Variants in ANKRD34C observed in about 807,000 individuals in gnomAD.
ANKRD34C encodes the protein ankyrin repeat domain 34C.
For missense variants in ANKRD34C, 563 were observed against 653.0 expected (o/e 0.86, Z 1.50); for synonymous variants, 260 against 253.6 (o/e 1.03, Z -0.24).
intron 1 of ANKRD34C, among the ~76,000 whole-genome samples, chr15:79,291,988 G>A (rs1045740506): frequency 6.6e-6 from 1 of 152,060 alleles, no homozygotes; most frequent in Admixed American, 6.6e-5. Context: ...TTTTTCAAAG[G>A]GATATATATA....
At position 79,286,416 on chromosome 15, in the gene ANKRD34C, A is replaced by C. The variant is rs568213335; in HGVS notation, c.-45+3188A>C. ...AAAGTGGATGGGATCTCAACATTCT[A>C]GGAATGCTTCAGCTTTTTTCAATCC... On this transcript the variant is annotated intron_variant, in intron 1 of 1. Coordinates refer to ENST00000421388, the MANE Select transcript of ANKRD34C (RefSeq NM_001146341.2). 5.9e-5 allele frequency among the ~76,000 whole-genome samples: 9 copies of C among 152,328 alleles called. No individual in the cohort carries two copies. The East Asian group carries it at 1.7e-3, about 29-fold the overall frequency.
At position 79,295,638 on chromosome 15, in the gene ANKRD34C, G is replaced by A. The variant is rs774089053; in HGVS notation, c.*746G>A. On this transcript the variant is annotated 3_prime_UTR_variant, in exon 2 of 2. Coordinates refer to ENST00000421388, the MANE Select transcript of ANKRD34C (RefSeq NM_001146341.2). The stretch of plus-strand genomic sequence containing the variant: ...GACCCGTCCCCTGACACAGGCTCTT[G>A]TATTGAAATCTTGTGAAAAACAGTC... The A allele has an allele frequency of 6.0e-6, 1 of 167,066 alleles. No homozygotes were observed. The highest frequency in any genetic ancestry group is 2.4e-5 in the African/African-American group (1 of 41,450). 10.3% of individuals were successfully genotyped at this position (167,066 alleles called of 1,614,324 possible). A position where few individuals can be genotyped will look rare whatever the true frequency, so the allele number is the denominator to read the frequency against.
At chr15:79,289,412 C>G (rs937908801) in intron 1 of ANKRD34C, among the ~76,000 whole-genome samples, 4 of 152,296 alleles carry the variant, frequency 2.6e-5, no homozygotes, top group Admixed American at 2.6e-4. Context: ...TATCTGCAAC[C>G]TGCTGCCTCC....
chr15:79,286,076 C>A (rs1301614868), intron 1 of ANKRD34C, among the ~76,000 whole-genome samples: 1 of 152,118 alleles, frequency 6.6e-6, no homozygotes, highest in East Asian at 1.9e-4. Flanking sequence ...TGAAAGAAGG[C>A]ATCATTTTAA....
chr15:79,297,166 G>C lies in ANKRD34C; in HGVS notation c.*2274G>C, dbSNP rs2058674270. The C allele has an allele frequency of 6.0e-6, 1 of 166,832 alleles. No individual in the cohort carries two copies. The highest frequency in any genetic ancestry group is 2.1e-4 in the South Asian group (1 of 4,824). 10.3% of individuals were successfully genotyped at this position (166,832 alleles called of 1,614,324 possible). On this transcript the variant is annotated 3_prime_UTR_variant, in exon 2 of 2. Transcript: ENST00000421388. ...AATCATTAATAGTTCTTACCAAGTA[G>C]AAGTGATCCCAGGCAAAGAAACAAC...
In ANKRD34C at chr15:79,294,670, C is replaced by T. The variant is rs1454695876; in HGVS notation, c.1386C>T (p.Phe462=). ...LDRISHTRPG[F]LPPLNVNLNP... ...GCATTTCTCACACTAGGCCTGGCTT[C>T]CTGCCGCCTTTAAATGTGAATCTGA... is the stretch of plus-strand genomic sequence containing the variant. Residue 462 remains phenylalanine, a synonymous_variant, in exon 2 of 2, where the codon TTC becomes TTT. Transcript: ENST00000421388. The T allele has an allele frequency of 1.9e-6, 3 of 1,551,606 alleles. No individual in the cohort carries two copies. Among genetic ancestry groups the T allele is most frequent in the Non-Finnish European group, 2.6e-6 (3 of 1,147,002 alleles).
At chr15:79,284,005 C>T (rs895937690) in intron 1 of ANKRD34C, 1 of 152,242 alleles carries the variant, frequency 6.6e-6, no homozygotes, top group African/African-American at 2.4e-5. Context: ...CCCAAGCTTC[C>T]GCGAAAACTA....
Position 79,286,462 on chromosome 15 carries a change from A to G in ANKRD34C, c.-45+3234A>G, listed in dbSNP as rs116898710. 3.4e-3 allele frequency among the ~76,000 whole-genome samples: 518 copies of G among 152,350 alleles called. 4 individuals carry two copies. Among genetic ancestry groups the G allele is most frequent in the East Asian group, 0.026 (135 of 5,184 alleles). Reference sequence around the variant, plus strand: ...AATCCAGATTGTTTCTTTTCTCTCCAACGAGCTTAGAGATCTTGTAAATCA... The same window carrying G: ...AATCCAGATTGTTTCTTTTCTCTCCGACGAGCTTAGAGATCTTGTAAATCA... On this transcript the variant is annotated intron_variant, in intron 1 of 1. Coordinates refer to ENST00000421388, the MANE Select transcript of ANKRD34C (RefSeq NM_001146341.2).
chr15:79,286,444 A>C (rs2141200202), intron 1 of ANKRD34C, among the ~76,000 whole-genome samples: 1 of 152,262 alleles, frequency 6.6e-6, no homozygotes, highest in South Asian at 2.1e-4. Context: ...TTCAATCCAG[A>C]TTGTTTCTTT....
At chr15:79,287,899 A>C (rs992219239) in intron 1 of ANKRD34C, among the ~76,000 whole-genome samples, 1 of 152,252 alleles carries the variant, frequency 6.6e-6, no homozygotes, top group Non-Finnish European at 1.5e-5. Flanking sequence ...GCCCAGCATA[A>C]CTGGTGTTTC....
rs2058655134 is a variant in ANKRD34C at position 79,289,957 on chromosome 15, A to G, written c.-44-3284A>G. Among the ~76,000 whole-genome samples the G allele has an allele frequency of 1.3e-5, 2 of 152,218 alleles. 1 individual carries two copies. Among genetic ancestry groups the G allele is most frequent in the South Asian group, 4.1e-4 (2 of 4,830 alleles). ...TGCAAAAGAAAAAGATAGAGAATAT[A>G]CAAATATGATGTATGGTATTCCAGA... On this transcript the variant is annotated intron_variant, in intron 1 of 1. Transcript: ENST00000421388.
At chr15:79,285,613 T>C (rs1465013645) in intron 1 of ANKRD34C, among the ~76,000 whole-genome samples, 1 of 152,246 alleles carries the variant, frequency 6.6e-6, no homozygotes, top group Non-Finnish European at 1.5e-5. Flanking sequence ...TATTTTACTT[T>C]CATACACAAA....
intron 1 of ANKRD34C, among the ~76,000 whole-genome samples, chr15:79,285,612 T>C (rs1254888668): frequency 6.6e-6 from 1 of 152,232 alleles, no homozygotes; most frequent in East Asian, 1.9e-4. Flanking sequence ...GTATTTTACT[T>C]TCATACACAA....
At position 79,294,961 on chromosome 15, in the gene ANKRD34C, A is replaced by T; in HGVS notation, c.*69A>T. The stretch of plus-strand genomic sequence containing the variant: ...GGACTATGGATGAGACTGCTTCCTG[A>T]TCATTCCTTAATGTTGAACTGTGGC... On this transcript the variant is annotated 3_prime_UTR_variant, in exon 2 of 2. Coordinates refer to ENST00000421388, the MANE Select transcript of ANKRD34C (RefSeq NM_001146341.2). 7.0e-7 allele frequency: 1 copy of T among 1,420,468 alleles called. No homozygotes were observed. The highest frequency in any genetic ancestry group is 9.3e-7 in the Non-Finnish European group (1 of 1,071,922). The allele number at this position is 1,420,468 out of a possible 1,614,324, so 88.0% of individuals were successfully genotyped here.
chr15:79,294,621 G>A lies in ANKRD34C; in HGVS notation c.1337G>A (p.Gly446Asp). Residue 446 changes from glycine (G) to aspartate (D), a missense_variant, in exon 2 of 2, where the codon GGT (glycine) becomes GAT (aspartate). Coordinates refer to ENST00000421388, the MANE Select transcript of ANKRD34C (RefSeq NM_001146341.2). Reference sequence around the variant, plus strand: ...CCGCCACATCTTCTAGAACGACGAGGTTCTGGAACTCTGCTCCTTGATCGC... The same window carrying A: ...CCGCCACATCTTCTAGAACGACGAGATTCTGGAACTCTGCTCCTTGATCGC... ...RRPPHLLERRGSGTLLLDRIS... is the reference protein window; with the variant it reads ...RRPPHLLERRDSGTLLLDRIS... The A allele has an allele frequency of 1.3e-6, 2 of 1,551,688 alleles. No homozygotes were observed. The highest frequency in any genetic ancestry group is 1.4e-5 in the African/African-American group (1 of 73,152).
Position 79,282,906 on chromosome 15 carries a change from AAAACC to A in ANKRD34C, c.-346_-342del, listed in dbSNP as rs527508995. Among the ~76,000 whole-genome samples the A allele has an allele frequency of 2.0e-5, 3 of 152,214 alleles. No homozygotes were observed. The highest frequency in any genetic ancestry group is 7.2e-5 in the African/African-American group (3 of 41,458). ...TCTTTCATGCTTCTTTCTTTTTCTTAAAACCAAACCAAACCAAACCAAACCCAAAA... is the reference window on the plus strand; with the variant it reads ...TCTTTCATGCTTCTTTCTTTTTCTTAAAACCAAACCAAACCAAACCCAAAA... On this transcript the variant is annotated 5_prime_UTR_variant, in exon 1 of 2. Transcript: ENST00000421388.
Position 79,294,257 on chromosome 15 carries a change from G to A in ANKRD34C, c.973G>A (p.Ala325Thr). The A allele has an allele frequency of 6.4e-7, 1 of 1,551,650 alleles. No individual in the cohort carries two copies. The highest frequency in any genetic ancestry group is 8.7e-7 in the Non-Finnish European group (1 of 1,146,962). ...EQVLKIPVSS[A>T]PASWKAAYEK... ...GGTTCTGAAGATTCCAGTCTCTTCAGCACCGGCATCCTGGAAAGCAGCCTA... is the reference window on the plus strand; with the variant it reads ...GGTTCTGAAGATTCCAGTCTCTTCAACACCGGCATCCTGGAAAGCAGCCTA... Residue 325 changes from alanine (A) to threonine (T), a missense_variant, in exon 2 of 2, where the codon GCA (alanine) becomes ACA (threonine). Ala to Thr is a moderately conservative substitution (Grantham distance 58, BLOSUM62 0). Coordinates refer to ENST00000421388, the MANE Select transcript of ANKRD34C (RefSeq NM_001146341.2).
chr15:79,285,169 A>G (rs185786662), intron 1 of ANKRD34C, among the ~76,000 whole-genome samples: 5 of 152,382 alleles, frequency 3.3e-5, no homozygotes, highest in African/African-American at 9.6e-5. Flanking sequence ...AATACAAAGT[A>G]TGTATATTAT....
Position 79,291,593 on chromosome 15 carries a change from CACACACACAG to C in ANKRD34C, c.-44-1646_-44-1637del, listed in dbSNP as rs1205968033. Among the ~76,000 whole-genome samples the C allele has an allele frequency of 8.9e-4, 106 of 119,114 alleles. 1 individual carries two copies. In the Middle Eastern group the frequency reaches 0.013, roughly 14 times the overall value. 78.1% of individuals were successfully genotyped at this position (119,114 alleles called of 152,430 possible). A position where few individuals can be genotyped will look rare whatever the true frequency, so the allele number is the denominator to read the frequency against. ...ACACACACACACACACACACACACA[CACACACACAG>C]AGAGAGAGAGAGAGAGAGAGAGAGA... is the stretch of plus-strand genomic sequence containing the variant. On this transcript the variant is annotated intron_variant, in intron 1 of 1. Transcript: ENST00000421388.
Sources: allele counts gnomAD v4.1 joint callset (sites outside exome capture counted in the v4.1 genomes callset), GRCh38; gene constraint gnomAD v4.1.1; transcripts MANE v1.5; gene names NCBI Gene and HGNC (gene_info 2026-07-23, HGNC 2026-07-21).